CAPZB: variants seen among roughly 807,000 people sequenced by gnomAD.
The protein encoded by CAPZB is F-actin-capping protein subunit beta.
CAPZB carries 2 observed loss-of-function variants against 38.1 expected under a neutral mutation model. That is an observed-to-expected ratio of 0.05 (90% CI 0.02 to 0.17). CAPZB has a LOEUF of 0.17. Among genes scored for constraint, CAPZB ranks in the 10% least tolerant of loss-of-function variants. The pLI, the probability that CAPZB is intolerant of heterozygous loss-of-function variation, is 1.00. For synonymous variants in CAPZB, 107 were observed against 127.4 expected (o/e 0.84, Z 1.08); for missense variants, 161 against 334.2 (o/e 0.48, Z 4.04).
Position 19,339,443 on chromosome 1 carries a change from G to A in CAPZB, c.*87C>T, listed in dbSNP as rs889676575. 18 of 935,938 alleles carry A rather than the reference G, an allele frequency of 1.9e-5. No homozygotes were observed. The highest frequency in any genetic ancestry group is 3.0e-5 in the Non-Finnish European group (17 of 562,812). The allele number at this position is 935,938 out of a possible 1,614,324, so 58.0% of individuals were successfully genotyped here. A position where few individuals can be genotyped will look rare whatever the true frequency, so the allele number is the denominator to read the frequency against. ...GTTATGTGACCTGTCGGGGAGGGAA[G>A]GGACGAGGGAAGGGAGCAGAAAACG... is the stretch of plus-strand genomic sequence containing the variant. On this transcript the variant is annotated 3_prime_UTR_variant, in exon 9 of 9. Coordinates refer to ENST00000264202, the MANE Select transcript of CAPZB (RefSeq NM_004930.5).
chr1:19,390,338 G>A (rs1334434984), intron 2 of CAPZB, among the ~76,000 whole-genome samples: 1 of 152,260 alleles, frequency 6.6e-6, no homozygotes, highest in Admixed American at 6.5e-5. Flanking sequence ...AGCCAGGGAG[G>A]GCCTCTGAGG....
At chr1:19,419,018 T>A (rs532979842) in intron 2 of CAPZB, among the ~76,000 whole-genome samples, 1 of 152,358 alleles carries the variant, frequency 6.6e-6, no homozygotes, top group East Asian at 1.9e-4. Flanking sequence ...TGATTTTATT[T>A]CTTTCCAATA....
chr1:19,423,535 T>C (rs1354260635), intron 1 of CAPZB, among the ~76,000 whole-genome samples: 1 of 143,768 alleles, frequency 7.0e-6, no homozygotes, highest in East Asian at 2.2e-4. Flanking sequence ...TTTTTTTTTT[T>C]TTTTTTAAAG....
intron 1 of CAPZB, chr1:19,484,423 C>T: frequency 6.6e-7 from 1 of 1,518,344 alleles, no homozygotes; most frequent in Non-Finnish European, 8.8e-7. Flanking sequence ...GCCGTGGACC[C>T]CGGCCTGCCC....
chr1:19,401,631 T>C lies in CAPZB; in HGVS notation c.94-16005A>G, dbSNP rs553408632. ...TCCTTCCTAGGGTGCTTCCTGCAGA[T>C]GGCACACAGCCAAAGCTCTTCTGGT... On this transcript the variant is annotated intron_variant, in intron 2 of 8. Coordinates refer to ENST00000264202, the MANE Select transcript of CAPZB (RefSeq NM_004930.5). Among the ~76,000 whole-genome samples, 7 of 152,210 alleles carry C rather than the reference T, an allele frequency of 4.6e-5. No homozygotes were observed. In the South Asian group the frequency reaches 1.5e-3, roughly 32 times the overall value.
chr1:19,484,614 C>T lies in CAPZB; in HGVS notation c.3+822G>A, dbSNP rs140817736. ...GGACCACCCCATCCCTGATGGAGAGCTCCCCTCGCTCCCCAAAGGCTGCAA... is the reference window on the plus strand; with the variant it reads ...GGACCACCCCATCCCTGATGGAGAGTTCCCCTCGCTCCCCAAAGGCTGCAA... On this transcript the variant is annotated intron_variant, in intron 1 of 8. Coordinates refer to ENST00000264202, the MANE Select transcript of CAPZB (RefSeq NM_004930.5). 31 of 1,188,802 alleles carry T rather than the reference C, an allele frequency of 2.6e-5. No homozygotes were observed. In the African/African-American group the frequency reaches 4.8e-4, roughly 18 times the overall value. 73.6% of individuals were successfully genotyped at this position (1,188,802 alleles called of 1,614,324 possible).
chr1:19,379,960 C>T (rs575358964), intron 3 of CAPZB, among the ~76,000 whole-genome samples: 5 of 152,254 alleles, frequency 3.3e-5, no homozygotes, highest in African/African-American at 1.2e-4. Flanking sequence ...ATGCCTTTTC[C>T]GCATCCCCTC....
intron 1 of CAPZB, among the ~76,000 whole-genome samples, chr1:19,438,899 CCT>C (rs1292404405): frequency 6.6e-6 from 1 of 152,242 alleles, no homozygotes; most frequent in Admixed American, 6.5e-5. Flanking sequence ...TCCCTTCTGT[CCT>C]CTGATAGAGG....
Position 19,346,817 on chromosome 1 carries a change from CTTTT to C in CAPZB, c.589-1569_589-1566del, listed in dbSNP as rs34733600. On this transcript the variant is annotated intron_variant, in intron 6 of 8. Coordinates refer to ENST00000264202, the MANE Select transcript of CAPZB (RefSeq NM_004930.5). The stretch of plus-strand genomic sequence containing the variant: ...GCGGCAGCACTGACCCGACTTTTGT[CTTTT>C]TTTTTTTTTTTTTTTTTTTGAGACG... Among the ~76,000 whole-genome samples, 529 of 84,070 alleles carry C rather than the reference CTTTT, an allele frequency of 6.3e-3. 2 individuals are homozygous for C. Among genetic ancestry groups the C allele is most frequent in the African/African-American group, 0.021 (480 of 22,366 alleles). The allele number at this position is 84,070 out of a possible 152,430, so 55.2% of individuals were successfully genotyped here. A position where few individuals can be genotyped will look rare whatever the true frequency, so the allele number is the denominator to read the frequency against.
intron 8 of CAPZB, among the ~76,000 whole-genome samples, chr1:19,339,901 T>C (rs2093918774): frequency 6.6e-6 from 1 of 152,148 alleles, no homozygotes; most frequent in Non-Finnish European, 1.5e-5. Context: ...GACCCGGCCA[T>C]AGTCCCTAGA....
intron 6 of CAPZB, among the ~76,000 whole-genome samples, chr1:19,346,761 C>T (rs1233630076): frequency 1.3e-5 from 2 of 151,218 alleles, no homozygotes; most frequent in Non-Finnish European, 1.5e-5. Flanking sequence ...CGGGCAAAAC[C>T]GACCTGTGAT....
intron 1 of CAPZB, among the ~76,000 whole-genome samples, chr1:19,431,734 TAAAAA>T (rs1030756311): frequency 1.2e-5 from 1 of 80,324 alleles, no homozygotes; most frequent in Non-Finnish European, 3.0e-5. Context: ...AAATAAAAAA[TAAAAA>T]ATAAAAAATA....
intron 1 of CAPZB, among the ~76,000 whole-genome samples, chr1:19,435,008 A>AC (rs1553285791): frequency 4.6e-5 from 6 of 130,578 alleles, no homozygotes; most frequent in Non-Finnish European, 8.7e-5. Context: ...AAAAAAAAAA[A>AC]CACACTCATT....
rs1038403426 is a variant in CAPZB, at chr1:19,345,359, G to A, written c.589-107C>T. 62 of 904,926 alleles carry A rather than the reference G, an allele frequency of 6.9e-5. 1 individual carries two copies. Among genetic ancestry groups the A allele is most frequent in the South Asian group, 4.9e-4 (36 of 73,318 alleles). The allele number at this position is 904,926 out of a possible 1,614,324, so 56.1% of individuals were successfully genotyped here. On this transcript the variant is annotated intron_variant, in intron 6 of 8. Transcript: ENST00000264202. ...CTGCAAAGAGCCTACTGTTCCCACC[G>A]TGGAGCCAGCTGCAGGTATGACAAG...
At chr1:19,394,140 A>G (rs1312708268) in intron 2 of CAPZB, among the ~76,000 whole-genome samples, 3 of 152,240 alleles carry the variant, frequency 2.0e-5, no homozygotes, top group Non-Finnish European at 2.9e-5. Flanking sequence ...AGCTGGGATT[A>G]TAAGTGTGCA....
intron 1 of CAPZB, among the ~76,000 whole-genome samples, chr1:19,422,229 G>A (rs1202257216): frequency 6.6e-6 from 1 of 152,166 alleles, no homozygotes; most frequent in Non-Finnish European, 1.5e-5. Context: ...ACAACTGGGA[G>A]AGAAGAAACT....
chr1:19,386,702 C>A (rs560826404), intron 2 of CAPZB, among the ~76,000 whole-genome samples: 12 of 152,352 alleles, frequency 7.9e-5, no homozygotes, highest in Middle Eastern at 3.4e-3. Context: ...CCAGCCTCCA[C>A]GGGCTCCTCT....
At chr1:19,444,904 A>T (rs1422607036) in intron 1 of CAPZB, among the ~76,000 whole-genome samples, 2 of 151,922 alleles carry the variant, frequency 1.3e-5, no homozygotes, top group East Asian at 3.9e-4. Context: ...CACTACACCC[A>T]GCTAATTTTT....
intron 1 of CAPZB, among the ~76,000 whole-genome samples, chr1:19,481,706 C>A (rs1489275321): frequency 6.6e-6 from 1 of 152,162 alleles, no homozygotes; most frequent in Non-Finnish European, 1.5e-5. Context: ...ACGTGCAATC[C>A]AATTCCACCC....
Sources: allele counts gnomAD v4.1 joint callset (sites outside exome capture counted in the v4.1 genomes callset), GRCh38; gene constraint gnomAD v4.1.1; transcripts MANE v1.5; gene names NCBI Gene and HGNC (gene_info 2026-07-23, HGNC 2026-07-21).